SMARCAD1: variants seen among roughly 807,000 people sequenced by gnomAD.
SMARCAD1 encodes the protein SNF2 related chromatin remodeling ATPase with DExD box 1.
SMARCAD1 carries 25 observed loss-of-function variants against 127.1 expected under a neutral mutation model. The ratio of observed to expected loss-of-function variants is 0.20; its 90% CI spans 0.14 to 0.27. The LOEUF is 0.27. SMARCAD1 is among the 10% of genes least tolerant of loss of function. The probability of loss-of-function intolerance (pLI) is 1.00; values close to 1 mark genes in which losing one functional copy is unlikely to be tolerated. For missense variants in SMARCAD1, 807 were observed against 1,206.0 expected (o/e 0.67, Z 4.90); for synonymous variants, 400 against 396.9 (o/e 1.01, Z -0.09).
chr4:94,255,755 G>A (rs1749983009), intron 9 of SMARCAD1, among the ~76,000 whole-genome samples: 1 of 132,174 alleles, frequency 7.6e-6, no homozygotes, highest in Non-Finnish European at 1.7e-5. Flanking sequence ...TTTTTTTAAA[G>A]TATATTACCT....
chr4:94,244,026 A>G (rs970462585), intron 6 of SMARCAD1, among the ~76,000 whole-genome samples: 4 of 152,250 alleles, frequency 2.6e-5, no homozygotes, highest in Non-Finnish European at 5.9e-5. Flanking sequence ...CATCAAAGAT[A>G]ATGCCACAAA....
intron 23 of SMARCAD1, among the ~76,000 whole-genome samples, chr4:94,286,098 C>G (rs926219143): frequency 2.6e-5 from 4 of 152,014 alleles, no homozygotes; most frequent in African/African-American, 9.7e-5. Context: ...AACTATAAGT[C>G]TTTTCTTATG....
intron 12 of SMARCAD1, 51 bp downstream of exon 12, chr4:94,273,767 G>T (rs1445183328): frequency 7.9e-6 from 11 of 1,398,778 alleles, no homozygotes; most frequent in Non-Finnish European, 1.1e-5. Context: ...TTTTATATAG[G>T]TAGAAGAGAG....
chr4:94,252,014 G>T (rs1007692618), intron 8 of SMARCAD1, among the ~76,000 whole-genome samples: 14 of 152,156 alleles, frequency 9.2e-5, no homozygotes, highest in Admixed American at 8.5e-4. Context: ...ACCATGCCTG[G>T]CTAATTTTTA....
At chr4:94,224,065 C>A (rs1744619276) in intron 2 of SMARCAD1, among the ~76,000 whole-genome samples, 1 of 152,038 alleles carries the variant, frequency 6.6e-6, no homozygotes, top group East Asian at 1.9e-4. Flanking sequence ...TCTATACTTA[C>A]TATATAGGAG....
In SMARCAD1 at chr4:94,276,474, T is replaced by C. The variant is rs79901365; in HGVS notation, c.1944T>C (p.Asn648=). 2,411 of 1,614,110 alleles carry C rather than the reference T, an allele frequency of 1.5e-3. 6 individuals are homozygous for C. The highest frequency in any genetic ancestry group is 3.5e-3 in the Middle Eastern group (21 of 6,062). Residue 648 remains asparagine (N), a splice_region_variant and synonymous_variant, in exon 15 of 24, where the codon AAT becomes AAC. Transcript: ENST00000354268. ...GCTACCAGCACCTTATGACAATTAA[T>C]GTAAGAGAATGTTTGTAAAGTTTTC... ...SIRYQHLMTI[N]ANNRLLLTGT...
intron 20 of SMARCAD1, among the ~76,000 whole-genome samples, 156 bp from the exon 21 acceptor site, chr4:94,281,316 A>G (rs1448306271): frequency 6.6e-6 from 1 of 152,240 alleles, no homozygotes; most frequent in Non-Finnish European, 1.5e-5. Flanking sequence ...CGTCTTCGGT[A>G]TTACTGATTT....
At chr4:94,235,461 C>G (rs576887388) in intron 4 of SMARCAD1, among the ~76,000 whole-genome samples, 51 of 151,820 alleles carry the variant, frequency 3.4e-4, no homozygotes, top group Non-Finnish European at 6.3e-4. Context: ...GGTCCTGTGC[C>G]TGCCAGTTTA....
At chr4:94,287,191 GT>G (rs1755065176) in intron 23 of SMARCAD1, among the ~76,000 whole-genome samples, 1 of 152,062 alleles carries the variant, frequency 6.6e-6, no homozygotes, top group Non-Finnish European at 1.5e-5. Flanking sequence ...TTCCCAGTGT[GT>G]ATTTTATTTG....
chr4:94,263,809 C>T (rs1432409667), intron 9 of SMARCAD1, among the ~76,000 whole-genome samples: 2 of 151,838 alleles, frequency 1.3e-5, no homozygotes, highest in African/African-American at 2.4e-5. Context: ...TTAGTTCTGG[C>T]TTATGGGATT....
intron 3 of SMARCAD1, among the ~76,000 whole-genome samples, chr4:94,231,862 T>C (rs1036270277): frequency 1.3e-5 from 2 of 152,140 alleles, no homozygotes; most frequent in Admixed American, 6.5e-5. Flanking sequence ...ATTTTTCTTT[T>C]TCTTTCCTTT....
chr4:94,233,821 G>T (rs746331228), intron 3 of SMARCAD1, 133 bp from the exon 4 acceptor site: 74 of 966,528 alleles, frequency 7.7e-5, no homozygotes, highest in Non-Finnish European at 1.1e-4. Flanking sequence ...GTCTCTTTCT[G>T]ACAAGTATAG....
intron 9 of SMARCAD1, among the ~76,000 whole-genome samples, chr4:94,255,348 A>G: frequency 6.6e-6 from 1 of 152,180 alleles, no homozygotes; most frequent in East Asian, 1.9e-4. Context: ...TAAAGTACAT[A>G]TATACAATAG....
chr4:94,265,425 A>G (rs1751589055), intron 10 of SMARCAD1, among the ~76,000 whole-genome samples: 1 of 151,926 alleles, frequency 6.6e-6, no homozygotes, highest in Non-Finnish European at 1.5e-5. Context: ...GGGAAAGGAC[A>G]GATACTTTGA....
chr4:94,280,241 C>T (rs1753835829), intron 19 of SMARCAD1, among the ~76,000 whole-genome samples: 1 of 152,090 alleles, frequency 6.6e-6, no homozygotes, highest in South Asian at 2.1e-4. Context: ...AGTAGAATTG[C>T]ATAATGAAAC....
rs1157576770 is a variant in SMARCAD1 at position 94,240,971 on chromosome 4, G to C, written c.670G>C (p.Asp224His). 1 of 1,612,874 alleles carries C rather than the reference G, an allele frequency of 6.2e-7. No homozygotes were observed. The highest frequency in any genetic ancestry group is 8.5e-7 in the Non-Finnish European group (1 of 1,179,364). ...GCCATATGAGGAAGATGAATTTAAT[G>C]ATGATCAATCTATAAAAAAGACAAG... The part of the protein sequence containing the change: ...SEPYEEDEFN[D>H]DQSIKKTRLD... Residue 224 changes from aspartate (D) to histidine (H), a missense_variant, in exon 6 of 24, where the codon GAT becomes CAT. This residue lies in a region of SMARCAD1 where 48 missense variants were observed against 90.8 expected (regional missense o/e 0.53). Transcript: ENST00000354268.
intron 2 of SMARCAD1, among the ~76,000 whole-genome samples, chr4:94,212,375 A>C (rs1445924982): frequency 5.3e-5 from 8 of 151,954 alleles, no homozygotes; most frequent in South Asian, 2.1e-4. Context: ...GCATTTCGCT[A>C]TGTTGACCAG....
At chr4:94,209,375 C>T (rs771746375) in intron 2 of SMARCAD1, among the ~76,000 whole-genome samples, 1 of 152,102 alleles carries the variant, frequency 6.6e-6, no homozygotes, top group Non-Finnish European at 1.5e-5. Context: ...CTTGGTAGAG[C>T]CTGAACTCAA....
At chr4:94,218,124 A>G (rs886395050) in intron 2 of SMARCAD1, among the ~76,000 whole-genome samples, 1 of 152,048 alleles carries the variant, frequency 6.6e-6, no homozygotes, top group Non-Finnish European at 1.5e-5. Flanking sequence ...ATTTTTATGC[A>G]TTTCATTATT....
Sources: gnomAD v4.1 joint callset for allele counts (sites outside exome capture counted in the v4.1 genomes callset) on GRCh38, gnomAD v4.1.1 for gene constraint, gnomAD v4.1.1 regional missense constraint, MANE v1.5 for transcripts, NCBI Gene and HGNC (gene_info 2026-07-23, HGNC 2026-07-21) for gene names.